The following DLG2 variants were observed in gnomAD, a reference collection of about 807,000 sequenced individuals.
DLG2 encodes disks large homolog 2.
DLG2 carries 45 observed loss-of-function variants against 132.5 expected under a neutral mutation model. The observed-to-expected ratio is 0.34, with a 90% CI of 0.27 to 0.44. The LOEUF (loss-of-function observed/expected upper bound fraction) is 0.44, where lower values mean the gene tolerates loss of function less well. Among genes scored for constraint, DLG2 ranks in the 20% least tolerant of loss-of-function variants. DLG2 has a pLI of 1.00. For synonymous variants in DLG2, 424 were observed against 419.6 expected (o/e 1.01, Z -0.13); for missense variants, 1,045 against 1,196.9 (o/e 0.87, Z 1.87).
chr11:84,732,519 G>C lies in DLG2; in HGVS notation c.358-197788C>G, dbSNP rs1002195436. Reference sequence around the variant, plus strand: ...ATTTGCCTTTCCTTAATGACTCATTGTGTTGAACATCTTTTCATGTGGTTT... The same window carrying C: ...ATTTGCCTTTCCTTAATGACTCATTCTGTTGAACATCTTTTCATGTGGTTT... On this transcript the variant is annotated intron_variant, in intron 6 of 27. Coordinates refer to ENST00000376104, the MANE Select transcript of DLG2 (RefSeq NM_001142699.3). Among the ~76,000 whole-genome samples, 16 of 151,878 alleles carry C rather than the reference G, an allele frequency of 1.1e-4. 1 individual carries two copies. Among genetic ancestry groups the C allele is most frequent in the Non-Finnish European group, 2.4e-4 (16 of 67,934 alleles).
intron 7 of DLG2, among the ~76,000 whole-genome samples, chr11:84,343,999 G>C (rs1424178015): frequency 6.6e-6 from 1 of 152,136 alleles, no homozygotes; most frequent in Non-Finnish European, 1.5e-5. Context: ...CCTGTTGAGT[G>C]ATGTGCCCAG....
At chr11:85,396,487 A>C (rs1013312938) in intron 3 of DLG2, among the ~76,000 whole-genome samples, 2 of 152,204 alleles carry the variant, frequency 1.3e-5, no homozygotes, top group East Asian at 3.8e-4. Context: ...TCCAAGCTAA[A>C]GGAGCATGTT....
intron 7 of DLG2, among the ~76,000 whole-genome samples, chr11:84,310,784 C>T (rs963446060): frequency 6.6e-6 from 1 of 152,190 alleles, no homozygotes; most frequent in African/African-American, 2.4e-5. Context: ...TCAGATCATT[C>T]TGGCTGAGCA....
At chr11:84,504,214 A>AT (rs1050488685) in intron 7 of DLG2, among the ~76,000 whole-genome samples, 35 of 152,028 alleles carry the variant, frequency 2.3e-4, no homozygotes, top group East Asian at 7.7e-4. Context: ...TTTTAAACTC[A>AT]TTTTTTTTGA....
chr11:84,997,425 T>C (rs147681683), intron 6 of DLG2: 1 of 152,230 alleles, frequency 6.6e-6, no homozygotes, highest in Non-Finnish European at 1.5e-5. Flanking sequence ...TCCTGTCTTA[T>C]GTGCCCATCC....
At chr11:83,940,451 C>G (rs1043388032) in intron 14 of DLG2, among the ~76,000 whole-genome samples, 1 of 152,132 alleles carries the variant, frequency 6.6e-6, no homozygotes, top group Non-Finnish European at 1.5e-5. Flanking sequence ...GTTATTAATC[C>G]TCCCATGAAA....
At chr11:83,792,263 T>A (rs969583398) in intron 17 of DLG2, among the ~76,000 whole-genome samples, 1 of 152,228 alleles carries the variant, frequency 6.6e-6, no homozygotes, top group African/African-American at 2.4e-5. Flanking sequence ...ATGCATTACT[T>A]GTTTTTTTTT....
At chr11:83,926,363 G>A (rs993726679) in intron 15 of DLG2, among the ~76,000 whole-genome samples, 2 of 152,124 alleles carry the variant, frequency 1.3e-5, no homozygotes, top group Non-Finnish European at 2.9e-5. Flanking sequence ...CTAATCTGAA[G>A]CCATAACTGC....
At chr11:84,514,408 C>A (rs555010936) in intron 7 of DLG2, among the ~76,000 whole-genome samples, 39 of 152,038 alleles carry the variant, frequency 2.6e-4, no homozygotes, top group Non-Finnish European at 4.7e-4. Context: ...TGTTGCAGCA[C>A]TGTTTACAAT....
At chr11:83,474,590 G>T (rs1334799473) in intron 22 of DLG2, among the ~76,000 whole-genome samples, 2 of 152,044 alleles carry the variant, frequency 1.3e-5, no homozygotes, top group Non-Finnish European at 2.9e-5. Context: ...TCCTTATTAG[G>T]CTGGGAGTTT....
At chr11:84,660,403 A>C (rs920770867) in intron 6 of DLG2, among the ~76,000 whole-genome samples, 5 of 152,180 alleles carry the variant, frequency 3.3e-5, no homozygotes, top group African/African-American at 1.2e-4. Context: ...TTGCTCTGGC[A>C]AAACATGTGC....
chr11:83,537,502 A>G (rs2095910669), intron 20 of DLG2, among the ~76,000 whole-genome samples: 1 of 152,110 alleles, frequency 6.6e-6, no homozygotes, highest in South Asian at 2.1e-4. Context: ...GGAACAATGA[A>G]TAATCTCTTT....
chr11:85,371,624 C>A lies in DLG2; in HGVS notation c.41-86259G>T, dbSNP rs573128775. Among the ~76,000 whole-genome samples the A allele has an allele frequency of 9.8e-5, 15 of 152,322 alleles. 1 individual carries two copies. In the South Asian group the frequency reaches 3.1e-3, roughly 32 times the overall value. On this transcript the variant is annotated intron_variant, in intron 3 of 27. Coordinates refer to ENST00000376104, the MANE Select transcript of DLG2 (RefSeq NM_001142699.3). ...AGCCAATAAAAGCCCCATGGGGAAA[C>A]TGGCCTCATACCCTTGTCTATGCTG...
intron 19 of DLG2, among the ~76,000 whole-genome samples, chr11:83,561,144 G>A (rs1459661691): frequency 6.6e-6 from 1 of 152,166 alleles, no homozygotes; most frequent in Non-Finnish European, 1.5e-5. Context: ...CAAGAGCATT[G>A]TGCTAAACCA....
At chr11:84,191,215 C>CT (rs1157227466) in intron 8 of DLG2, among the ~76,000 whole-genome samples, 4 of 151,696 alleles carry the variant, frequency 2.6e-5, no homozygotes, top group Admixed American at 1.3e-4. Context: ...TTGATCTCCA[C>CT]TTTTTTTTAA....
intron 15 of DLG2, among the ~76,000 whole-genome samples, chr11:83,883,315 G>C (rs1000671270): frequency 6.6e-6 from 1 of 151,694 alleles, no homozygotes; most frequent in Non-Finnish European, 1.5e-5. Flanking sequence ...TTGGCATACC[G>C]AATTGACTTG....
At chr11:83,631,167 C>CTTTTTTTTTTTTTTT (rs57696126) in intron 19 of DLG2, 5 of 91,652 alleles carry the variant, frequency 5.5e-5, no homozygotes, top group East Asian at 3.2e-4. Context: ...TTGCTTCTTG[C>CTTTTTTTTTTTTTTT]TTTTTTTTTT....
At chr11:84,391,602 A>T (rs1489892180) in intron 7 of DLG2, among the ~76,000 whole-genome samples, 1 of 152,188 alleles carries the variant, frequency 6.6e-6, no homozygotes, top group Admixed American at 6.5e-5. Flanking sequence ...CCAAGACAAG[A>T]CAAGGGTGGC....
At chr11:84,708,875 T>G (rs1487135368) in intron 6 of DLG2, among the ~76,000 whole-genome samples, 1 of 151,924 alleles carries the variant, frequency 6.6e-6, no homozygotes. Flanking sequence ...AAGGAGCATT[T>G]CTTTTGGATG....
Sources: gnomAD v4.1 joint callset for allele counts (sites outside exome capture counted in the v4.1 genomes callset) on GRCh38, gnomAD v4.1.1 for gene constraint, MANE v1.5 for transcripts, NCBI Gene and HGNC (gene_info 2026-07-23, HGNC 2026-07-21) for gene names.